Variants in AGBL1 observed in about 807,000 individuals in gnomAD.
AGBL1 encodes the protein cytosolic carboxypeptidase 4.
In AGBL1, 130 loss-of-function variants were observed where a neutral mutation model predicts 118.9. The observed-to-expected ratio is 1.09, with a 90% CI of 0.95 to 1.26. AGBL1 has a LOEUF of 1.26. Ranked by LOEUF, AGBL1 falls within the 50% of genes most tolerant of loss-of-function variation. The pLI is 0.00. For missense variants in AGBL1, 1,584 were observed against 1,298.1 expected (o/e 1.22, Z -3.38); for synonymous variants, 555 against 478.9 (o/e 1.16, Z -2.08).
intron 23 of AGBL1, among the ~76,000 whole-genome samples, chr15:86,934,645 A>C (rs1433276105): frequency 6.6e-6 from 1 of 152,138 alleles, no homozygotes; most frequent in East Asian, 1.9e-4. Context: ...TTACAGGGTC[A>C]ATAGGATGTC....
chr15:86,634,922 A>G (rs1029023469), intron 21 of AGBL1, among the ~76,000 whole-genome samples: 11 of 152,210 alleles, frequency 7.2e-5, no homozygotes, highest in Middle Eastern at 3.4e-3. Flanking sequence ...AATTATCTCT[A>G]TAAGCATTGA....
chr15:86,567,662 C>G (rs1457788075), intron 21 of AGBL1, among the ~76,000 whole-genome samples: 1 of 151,952 alleles, frequency 6.6e-6, no homozygotes, highest in Non-Finnish European at 1.5e-5. Flanking sequence ...TTTTTTTGAT[C>G]TTTGAATGGG....
intron 22 of AGBL1, among the ~76,000 whole-genome samples, chr15:86,877,180 GCTCA>G (rs2079822701): frequency 1.3e-5 from 2 of 152,172 alleles, no homozygotes; most frequent in South Asian, 4.2e-4. Flanking sequence ...CTCTTCCTGT[GCTCA>G]CTGAGATCTT....
At chr15:86,153,583 A>C (rs1205972358) in intron 3 of AGBL1, among the ~76,000 whole-genome samples, 1 of 152,200 alleles carries the variant, frequency 6.6e-6, no homozygotes, top group Non-Finnish European at 1.5e-5. Context: ...GGGTGCAGCA[A>C]ACCAACACAG....
chr15:86,608,101 T>G (rs2084604710), intron 21 of AGBL1, among the ~76,000 whole-genome samples: 2 of 152,212 alleles, frequency 1.3e-5, no homozygotes, highest in African/African-American at 4.8e-5. Context: ...TTGTTTTTAA[T>G]GCAGTATTTT....
At chr15:86,399,459 A>G (rs772136372) in intron 18 of AGBL1, among the ~76,000 whole-genome samples, 18 of 152,104 alleles carry the variant, frequency 1.2e-4, no homozygotes, top group Non-Finnish European at 2.2e-4. Context: ...TCCAGTAGAG[A>G]ATGGAAAGAG....
intron 21 of AGBL1, among the ~76,000 whole-genome samples, chr15:86,572,754 C>A (rs891709198): frequency 6.6e-6 from 1 of 152,240 alleles, no homozygotes; most frequent in African/African-American, 2.4e-5. Context: ...GCCTGCGCTT[C>A]GCTGCTTCAG....
At chr15:86,939,790 C>T (rs1405949990) in intron 23 of AGBL1, 1 of 152,196 alleles carries the variant, frequency 6.6e-6, no homozygotes, top group African/African-American at 2.4e-5. Context: ...AAGCAGAAGA[C>T]TGGAATAAGG....
At chr15:86,170,408 A>G (rs1249506682) in intron 5 of AGBL1, among the ~76,000 whole-genome samples, 1 of 152,052 alleles carries the variant, frequency 6.6e-6, no homozygotes, top group Non-Finnish European at 1.5e-5. Context: ...CACTGGGGAG[A>G]GGAGAAATAG....
At chr15:86,687,931 TC>T (rs1369302533) in intron 22 of AGBL1, among the ~76,000 whole-genome samples, 6 of 152,106 alleles carry the variant, frequency 3.9e-5, no homozygotes, top group Admixed American at 3.9e-4. Flanking sequence ...CAGGCACAGT[TC>T]CCCTATATCC....
chr15:86,482,956 G>A (rs935566331), intron 18 of AGBL1, among the ~76,000 whole-genome samples: 8 of 151,996 alleles, frequency 5.3e-5, no homozygotes, highest in African/African-American at 1.9e-4. Context: ...ATTCTGACAG[G>A]CTGGGAAACA....
intron 22 of AGBL1, among the ~76,000 whole-genome samples, chr15:86,825,704 G>C (rs889236809): frequency 1.4e-5 from 2 of 138,244 alleles, no homozygotes; most frequent in Non-Finnish European, 3.1e-5. Context: ...AGGGAGGGAG[G>C]GAGAAAGCGA....
intron 5 of AGBL1, among the ~76,000 whole-genome samples, chr15:86,160,460 A>G (rs143253739): frequency 6.6e-6 from 1 of 152,290 alleles, no homozygotes; most frequent in East Asian, 1.9e-4. Flanking sequence ...TCTGAGTTCT[A>G]AGAAGCCATG....
At chr15:86,626,427 C>A (rs1044354330) in intron 21 of AGBL1, among the ~76,000 whole-genome samples, 36 of 152,158 alleles carry the variant, frequency 2.4e-4, no homozygotes, top group African/African-American at 8.4e-4. Flanking sequence ...AAACACAGCA[C>A]GTTCTCACTT....
At chr15:86,601,334 G>T (rs1486748907) in intron 21 of AGBL1, among the ~76,000 whole-genome samples, 1 of 152,082 alleles carries the variant, frequency 6.6e-6, no homozygotes, top group Non-Finnish European at 1.5e-5. Context: ...ATTTGACTTT[G>T]TTTTTAATAT....
At chr15:86,756,289 T>C (rs1429696503) in intron 22 of AGBL1, among the ~76,000 whole-genome samples, 1 of 148,760 alleles carries the variant, frequency 6.7e-6, no homozygotes, top group Admixed American at 6.8e-5. Context: ...CTCAGAAAAA[T>C]TTCAGATTCC....
At chr15:86,680,119 A>G (rs2085926446) in intron 22 of AGBL1, among the ~76,000 whole-genome samples, 1 of 152,170 alleles carries the variant, frequency 6.6e-6, no homozygotes, top group Non-Finnish European at 1.5e-5. Flanking sequence ...TATTTTTCCA[A>G]TGTTAATTTT....
At chr15:86,925,684 T>G (rs1567243319) in intron 23 of AGBL1, among the ~76,000 whole-genome samples, 1 of 151,388 alleles carries the variant, frequency 6.6e-6, no homozygotes, top group East Asian at 1.9e-4. Flanking sequence ...TCTTTTCTTC[T>G]TTTCTTTTTT....
rs984593964 is a variant in AGBL1 at position 86,915,156 on chromosome 15, G to A, written c.*7862G>A. On this transcript the variant is annotated 3_prime_UTR_variant, in exon 23 of 23. Transcript: ENST00000614907. ...GAGTCCAAAGCTAAGAATCAGACTC[G>A]GTAACACTGTTCTCACCTGGACTTC... The A allele has an allele frequency of 2.0e-5, 3 of 152,152 alleles. No individual in the cohort carries two copies. The highest frequency in any genetic ancestry group is 1.5e-5 in the Non-Finnish European group (1 of 68,046). The allele number at this position is 152,152 out of a possible 1,614,324, so 9.4% of individuals were successfully genotyped here. A position where few individuals can be genotyped will look rare whatever the true frequency, so the allele number is the denominator to read the frequency against.
Sources: gnomAD v4.1 joint callset for allele counts (sites outside exome capture counted in the v4.1 genomes callset) on GRCh38, gnomAD v4.1.1 for gene constraint, MANE v1.5 for transcripts, NCBI Gene and HGNC (gene_info 2026-07-23, HGNC 2026-07-21) for gene names.